The following NDOR1 variants were observed in gnomAD, a reference collection of about 807,000 sequenced individuals.
NDOR1 encodes the protein NADPH dependent diflavin oxidoreductase 1, also known as NADPH-dependent diflavin oxidoreductase 1.
NDOR1 carries 61 observed loss-of-function variants against 67.2 expected under a neutral mutation model. The observed-to-expected ratio is 0.91, with a 90% CI of 0.74 to 1.12. The LOEUF (loss-of-function observed/expected upper bound fraction) is 1.12. NDOR1 is among the 50% of genes most tolerant of loss of function. The probability of loss-of-function intolerance (pLI) is 0.00; values close to 1 mark genes in which losing one functional copy is unlikely to be tolerated. For synonymous variants in NDOR1, 378 were observed against 343.7 expected (o/e 1.10, Z -1.10); for missense variants, 878 against 802.8 (o/e 1.09, Z -1.13).
Position 137,215,757 on chromosome 9 carries a change from G to A in NDOR1, c.1387G>A (p.Ala463Thr), listed in dbSNP as rs1325827236. The stretch of plus-strand genomic sequence containing the variant: ...CATGGTGGGGCCTGGCACTGGGGTA[G>A]CCCCCTTCCGAGCAGCCATCCAGGA... ...VIMVGPGTGV[A>T]PFRAAIQERV... The change falls in exon 11 of 14, where the codon GCC (alanine) becomes ACC (threonine). Residue 463 changes from alanine to threonine, a missense_variant. Coordinates refer to ENST00000684003, the MANE Select transcript of NDOR1 (RefSeq NM_014434.4). 6.2e-7 allele frequency: 1 copy of A among 1,600,632 alleles called. No homozygotes were observed.
Position 137,214,242 on chromosome 9 carries a change from C to A in NDOR1, c.551C>A (p.Ala184Glu), listed in dbSNP as rs763962975. The A allele has an allele frequency of 6.8e-6, 11 of 1,613,094 alleles. No individual in the cohort carries two copies. Residue 184 changes from alanine to glutamate, a missense_variant, in exon 6 of 14, where the codon GCA becomes GAA. Transcript: ENST00000684003. The part of the protein sequence containing the change: ...SKFTLLFLQE[A>E]PSTGSEGQRV... ...TTCACCCTGCTGTTCCTCCAAGAGGCACCCAGCACGGGCTCTGAGGGGCAG... is the reference window on the plus strand; with the variant it reads ...TTCACCCTGCTGTTCCTCCAAGAGGAACCCAGCACGGGCTCTGAGGGGCAG...
intron 9 of NDOR1, 86 bp from the exon 10 acceptor site, chr9:137,215,321 C>G: frequency 6.5e-7 from 1 of 1,542,518 alleles, no homozygotes. Flanking sequence ...GTCGGACTGC[C>G]TCTGCGGGAG....
At chr9:137,206,679 G>T (rs975394392) in intron 2 of NDOR1, among the ~76,000 whole-genome samples, 14 of 152,186 alleles carry the variant, frequency 9.2e-5, no homozygotes, top group Non-Finnish European at 1.6e-4. Context: ...TGGGGATCCA[G>T]CTGTGAACCC....
At chr9:137,208,143 CAAAAA>C (rs34327783) in intron 2 of NDOR1, among the ~76,000 whole-genome samples, 2 of 57,102 alleles carry the variant, frequency 3.5e-5, no homozygotes, top group African/African-American at 6.9e-5. Context: ...TAGACTCTGT[CAAAAA>C]AAAAAAAAAA....
In NDOR1 at chr9:137,216,425, G is replaced by A. The variant is rs1443600401; in HGVS notation, c.*9G>A. On this transcript the variant is annotated 3_prime_UTR_variant, in exon 14 of 14. Transcript: ENST00000684003. Reference sequence around the variant, plus strand: ...CAGAGACGTGGGCCTGAGGCCCGCGGCTGCCCGTGCCCCCTCTGACAGCCA... The same window carrying A: ...CAGAGACGTGGGCCTGAGGCCCGCGACTGCCCGTGCCCCCTCTGACAGCCA... 2 of 1,595,838 alleles carry A rather than the reference G, an allele frequency of 1.3e-6. No individual in the cohort carries two copies. The highest frequency in any genetic ancestry group is 1.7e-6 in the Non-Finnish European group (2 of 1,175,458).
At position 137,217,191 on chromosome 9, in the gene NDOR1, G is replaced by A. The variant is rs563851823; in HGVS notation, c.*775G>A. 1.3e-5 allele frequency among the ~76,000 whole-genome samples: 2 copies of A among 152,080 alleles called. No homozygotes were observed. Among genetic ancestry groups the A allele is most frequent in the African/African-American group, 2.4e-5 (1 of 41,458 alleles). The stretch of plus-strand genomic sequence containing the variant: ...GGGTGCTGGATGGGTGGGCGCCACG[G>A]TGCACCCTTGTTGGGCTGCCTGTGC... On this transcript the variant is annotated 3_prime_UTR_variant, in exon 14 of 14. Coordinates refer to ENST00000684003, the MANE Select transcript of NDOR1 (RefSeq NM_014434.4).
intron 2 of NDOR1, 151 bp downstream of exon 2, chr9:137,206,460 G>A: frequency 2.5e-6 from 2 of 797,354 alleles, no homozygotes; most frequent in Non-Finnish European, 4.3e-6. Context: ...TGGGGCTGGG[G>A]GCTCCGGTTG....
chr9:137,215,301 C>T (rs558509194), intron 9 of NDOR1, 99 bp downstream of exon 9: 16 of 1,532,432 alleles, frequency 1.0e-5, no homozygotes, highest in Admixed American at 5.2e-5. Flanking sequence ...GACCAGGTGA[C>T]GTTCCCCCAG....
chr9:137,219,079 G>A lies in NDOR1; in HGVS notation c.*2663G>A, dbSNP rs967807086. On this transcript the variant is annotated 3_prime_UTR_variant, in exon 14 of 14. Transcript: ENST00000684003. ...CCACCCTGTGTTCAGATAAGGGCCAGTGTGTGTCCCTGAAGGTCAGGCCAG... is the reference window on the plus strand; with the variant it reads ...CCACCCTGTGTTCAGATAAGGGCCAATGTGTGTCCCTGAAGGTCAGGCCAG... The A allele has an allele frequency of 1.3e-5, 2 of 155,726 alleles. No individual in the cohort carries two copies. The highest frequency in any genetic ancestry group is 1.9e-4 in the East Asian group (1 of 5,310). 9.6% of individuals were successfully genotyped at this position (155,726 alleles called of 1,614,324 possible).
rs1406920009 is a variant in NDOR1 at position 137,219,271 on chromosome 9, C to T, written c.*2855C>T. 6.6e-6 allele frequency: 1 copy of T among 152,280 alleles called. No homozygotes were observed. Among genetic ancestry groups the T allele is most frequent in the Non-Finnish European group, 1.5e-5 (1 of 68,080 alleles). The allele number at this position is 152,280 out of a possible 1,614,324, so 9.4% of individuals were successfully genotyped here. On this transcript the variant is annotated 3_prime_UTR_variant, in exon 14 of 14. Coordinates refer to ENST00000684003, the MANE Select transcript of NDOR1 (RefSeq NM_014434.4). Reference sequence around the variant, plus strand: ...GCCCCTGCACACCCTCATGTCACCACACCTGGGATGGAGACATCAGGTGGC... The same window carrying T: ...GCCCCTGCACACCCTCATGTCACCATACCTGGGATGGAGACATCAGGTGGC...
rs138917451 is a variant in NDOR1, at chr9:137,216,297, G to A, written c.1675G>A (p.Val559Ile). ...CAACGCCAAGTCCATGCCAGCGGAC[G>A]TCTCGGAAGCCCTGATGTCCATCTT... ...AGNAKSMPAD[V>I]SEALMSIFQE... Residue 559 changes from valine (V) to isoleucine (I), a missense_variant, in exon 14 of 14, where the codon GTC becomes ATC. Transcript: ENST00000684003. 462 of 1,612,596 alleles carry A rather than the reference G, an allele frequency of 2.9e-4. 1 individual carries two copies. In the Middle Eastern group the frequency reaches 5.9e-3, roughly 21 times the overall value.
Position 137,214,228 on chromosome 9 carries a change from G to C in NDOR1, c.537G>C (p.Leu179=), listed in dbSNP as rs762475167. Residue 179 remains leucine (L), a synonymous_variant, in exon 6 of 14, where the codon CTG becomes CTC. Coordinates refer to ENST00000684003, the MANE Select transcript of NDOR1 (RefSeq NM_014434.4). Reference sequence around the variant, plus strand: ...GCCTGCCCTCCAAGTTCACCCTGCTGTTCCTCCAAGAGGCACCCAGCACGG... The same window carrying C: ...GCCTGCCCTCCAAGTTCACCCTGCTCTTCCTCCAAGAGGCACCCAGCACGG... ...GVPLPSKFTL[L]FLQEAPSTGS... 9.9e-6 allele frequency: 16 copies of C among 1,612,492 alleles called. No homozygotes were observed. The highest frequency in any genetic ancestry group is 1.1e-5 in the South Asian group (1 of 91,050).
At position 137,219,223 on chromosome 9, in the gene NDOR1, C is replaced by A. The variant is rs1473751974; in HGVS notation, c.*2807C>A. On this transcript the variant is annotated 3_prime_UTR_variant, in exon 14 of 14. Transcript: ENST00000684003. ...TGTGTTGCAGGGGACAAGGGCCCACCCAGGCCTTGGAACATAAGCTCTGCC... is the reference window on the plus strand; with the variant it reads ...TGTGTTGCAGGGGACAAGGGCCCACACAGGCCTTGGAACATAAGCTCTGCC... The A allele has an allele frequency of 6.6e-6, 1 of 152,268 alleles. No individual in the cohort carries two copies. Among genetic ancestry groups the A allele is most frequent in the East Asian group, 1.9e-4 (1 of 5,198 alleles). 9.4% of individuals were successfully genotyped at this position (152,268 alleles called of 1,614,324 possible).
rs373217113 is a variant in NDOR1 at position 137,206,304 on chromosome 9, A to G, written c.208A>G (p.Met70Val). The change falls in exon 2 of 14, where the codon ATG (methionine) becomes GTG (valine). Residue 70 changes from methionine to valine, a missense_variant. Met to Val is a conservative substitution (Grantham distance 21). Transcript: ENST00000684003. ...TTGQGDPPDN[M>V]KNFWRFIFRK... ...AGGCCAAGGAGACCCCCCTGACAAC[A>G]TGAAGGTAAGGCTGGCCTGATGTGG... 67 of 1,613,824 alleles carry G rather than the reference A, an allele frequency of 4.2e-5. No individual in the cohort carries two copies. Among genetic ancestry groups the G allele is most frequent in the Non-Finnish European group, 5.6e-5 (66 of 1,179,974 alleles).
chr9:137,211,675 G>A (rs558641632), intron 2 of NDOR1, among the ~76,000 whole-genome samples: 115 of 152,314 alleles, frequency 7.6e-4, no homozygotes, highest in African/African-American at 2.7e-3. Context: ...GCGTGGCCCA[G>A]AGAGGCAGCT....
chr9:137,205,925 T>G lies in NDOR1; in HGVS notation c.135+13T>G. The G allele has an allele frequency of 6.3e-7, 1 of 1,577,396 alleles. No homozygotes were observed. The highest frequency in any genetic ancestry group is 1.1e-5 in the South Asian group (1 of 89,408). The stretch of plus-strand genomic sequence containing the variant: ...CTCCTACCCGGTGGTGAGGGCTCGC[T>G]AGGGCCTCGGCGTGGGGGACGAGCA... On this transcript the variant is annotated intron_variant, in intron 1 of 13. Transcript: ENST00000684003.
At position 137,216,744 on chromosome 9, in the gene NDOR1, G is replaced by A; in HGVS notation, c.*328G>A. ...GGTGCAGTGACCCAGGACGGCATCAGCAGCCCAGTGAGCACCAGGGGTGGC... is the reference window on the plus strand; with the variant it reads ...GGTGCAGTGACCCAGGACGGCATCAACAGCCCAGTGAGCACCAGGGGTGGC... On this transcript the variant is annotated 3_prime_UTR_variant, in exon 14 of 14. Coordinates refer to ENST00000684003, the MANE Select transcript of NDOR1 (RefSeq NM_014434.4). The A allele has an allele frequency of 2.7e-6, 1 of 375,968 alleles. No homozygotes were observed. Among genetic ancestry groups the A allele is most frequent in the South Asian group, 2.6e-5 (1 of 37,766 alleles). The allele number at this position is 375,968 out of a possible 1,614,324, so 23.3% of individuals were successfully genotyped here. A position where few individuals can be genotyped will look rare whatever the true frequency, so the allele number is the denominator to read the frequency against.
chr9:137,214,340 CAG>C lies in NDOR1; in HGVS notation c.654_655del (p.Arg218SerfsTer14), dbSNP rs1413414357. On this transcript the variant is annotated frameshift_variant, in exon 6 of 14. Coordinates refer to ENST00000684003, the MANE Select transcript of NDOR1 (RefSeq NM_014434.4). LOFTEE classifies it high-confidence loss of function. Reference sequence around the variant, plus strand: ...CTTCCTAGCACCCATGATCTCCAACCAGAGAGTCACCGGCCCCTCCCACTTCC... The same window carrying C: ...CTTCCTAGCACCCATGATCTCCAACCAGAGTCACCGGCCCCTCCCACTTCC... ...KPFLAPMISN[Q>X]RVTGPSHFQD... 9.9e-6 allele frequency: 16 copies of C among 1,614,162 alleles called. No homozygotes were observed. The highest frequency in any genetic ancestry group is 1.6e-4 in the Middle Eastern group (1 of 6,062).
Position 137,215,945 on chromosome 9 carries a change from C to T in NDOR1, c.1482C>T (p.Tyr494=). The change falls in exon 12 of 14, where the codon TAC becomes TAT. Residue 494 remains tyrosine (Y), a synonymous_variant. Coordinates refer to ENST00000684003, the MANE Select transcript of NDOR1 (RefSeq NM_014434.4). ...GCCGCTGGCGGGACCAAGACTTCTA[C>T]TGGGAGGCTGAGTGGCAGGAGCTGG... ...FGCRWRDQDF[Y]WEAEWQELEK... 1 of 1,613,742 alleles carries T rather than the reference C, an allele frequency of 6.2e-7. No individual in the cohort carries two copies. The highest frequency in any genetic ancestry group is 8.5e-7 in the Non-Finnish European group (1 of 1,180,008).
Sources: allele counts gnomAD v4.1 joint callset (sites outside exome capture counted in the v4.1 genomes callset), GRCh38; gene constraint gnomAD v4.1.1; transcripts MANE v1.5; gene names NCBI Gene and HGNC (gene_info 2026-07-23, HGNC 2026-07-21).